Variants in DZANK1 observed in about 807,000 individuals in gnomAD.
DZANK1 encodes double zinc ribbon and ankyrin repeat domains 1, also known as double zinc ribbon and ankyrin repeat-containing protein 1.
A neutral mutation model predicts 94.5 loss-of-function variants in DZANK1; 91 were observed. The ratio of observed to expected loss-of-function variants is 0.96; its 90% CI spans 0.81 to 1.15. The LOEUF is 1.15. DZANK1 is among the 50% of genes most tolerant of loss of function. The pLI is 0.00. For synonymous variants in DZANK1, 312 were observed against 325.3 expected (o/e 0.96, Z 0.44); for missense variants, 903 against 916.4 (o/e 0.99, Z 0.19).
At chr20:18,408,189 G>A (rs755960973) in intron 13 of DZANK1, among the ~76,000 whole-genome samples, 1 of 152,130 alleles carries the variant, frequency 6.6e-6, no homozygotes, top group African/African-American at 2.4e-5. Context: ...AGTGGCTCAC[G>A]CCCGCTATCC....
At chr20:18,457,752 T>C (rs960195230) in intron 3 of DZANK1, among the ~76,000 whole-genome samples, 1 of 152,206 alleles carries the variant, frequency 6.6e-6, no homozygotes, top group African/African-American at 2.4e-5. Flanking sequence ...CACTTCTACA[T>C]GTATCCACTG....
At chr20:18,442,932 A>T (rs1568989463) in intron 8 of DZANK1, among the ~76,000 whole-genome samples, 1 of 152,220 alleles carries the variant, frequency 6.6e-6, no homozygotes, top group Non-Finnish European at 1.5e-5. Flanking sequence ...TATACAGATC[A>T]ATCTATAGAT....
At chr20:18,397,371 G>A (rs2056402329) in intron 14 of DZANK1, among the ~76,000 whole-genome samples, 1 of 152,120 alleles carries the variant, frequency 6.6e-6, no homozygotes, top group African/African-American at 2.4e-5. Flanking sequence ...CAGAGGAAAG[G>A]TCCTCTCACA....
At chr20:18,413,835 T>G (rs2057369433) in intron 12 of DZANK1, among the ~76,000 whole-genome samples, 1 of 152,106 alleles carries the variant, frequency 6.6e-6, no homozygotes, top group Admixed American at 6.6e-5. Context: ...GAGTGTATCC[T>G]CTAATAATGA....
At chr20:18,384,488 G>A (rs759121755) in exon 21 of DZANK1, 5 of 1,611,994 alleles carry the variant, frequency 3.1e-6, no homozygotes, top group South Asian at 1.1e-5. Context: ...GAGGTGACAA[G>A]GTCATCTCCA....
intron 8 of DZANK1, among the ~76,000 whole-genome samples, chr20:18,437,261 C>T (rs572392216): frequency 2.6e-5 from 4 of 152,188 alleles, no homozygotes; most frequent in South Asian, 2.1e-4. Flanking sequence ...GAAAGGAGGA[C>T]GATACTTAAG....
At position 18,464,827 on chromosome 20, in the gene DZANK1, C is replaced by A. The variant is rs555392085; in HGVS notation, c.109+423G>T. On this transcript the variant is annotated intron_variant, in intron 2 of 20. Coordinates refer to ENST00000262547, the Ensembl canonical transcript of DZANK1. Reference sequence around the variant, plus strand: ...AGTTGCTAGGATTACAGGTGCCCACCACCATGTCTGGCTAATTTTTGTATT... The same window carrying A: ...AGTTGCTAGGATTACAGGTGCCCACAACCATGTCTGGCTAATTTTTGTATT... Among the ~76,000 whole-genome samples, 33 of 152,104 alleles carry A rather than the reference C, an allele frequency of 2.2e-4. 1 individual carries two copies. The South Asian group carries it at 6.7e-3, about 31-fold the overall frequency.
chr20:18,461,384 G>T (rs1342109935), intron 2 of DZANK1, among the ~76,000 whole-genome samples: 1 of 151,848 alleles, frequency 6.6e-6, no homozygotes, highest in Non-Finnish European at 1.5e-5. Context: ...ATTTGTTATA[G>T]CTGCACCACA....
chr20:18,398,950 GGTGAAACCCT>G (rs2056515313), intron 13 of DZANK1, among the ~76,000 whole-genome samples: 1 of 151,848 alleles, frequency 6.6e-6, no homozygotes, highest in African/African-American at 2.4e-5. Context: ...TGGCCAACAT[GGTGAAACCCT>G]GCCTCTACTA....
At chr20:18,458,304 G>T (rs2059356756) in intron 3 of DZANK1, among the ~76,000 whole-genome samples, 2 of 151,810 alleles carry the variant, frequency 1.3e-5, no homozygotes, top group Non-Finnish European at 2.9e-5. Context: ...TGGTTTTGTT[G>T]TTTTTTTTAA....
At chr20:18,389,674 G>T (rs1405914927) in intron 19 of DZANK1, 27 bp downstream of exon 19, 1 of 1,612,664 alleles carries the variant, frequency 6.2e-7, no homozygotes, top group South Asian at 1.1e-5. Flanking sequence ...TGCTACCTTA[G>T]CTCTCCTTTC....
At chr20:18,399,286 T>C (rs2148297096) in intron 13 of DZANK1, among the ~76,000 whole-genome samples, 1 of 152,252 alleles carries the variant, frequency 6.6e-6, no homozygotes, top group South Asian at 2.1e-4. Flanking sequence ...TAGAGTACAA[T>C]GGTGTGATCA....
intron 13 of DZANK1, among the ~76,000 whole-genome samples, chr20:18,399,712 G>A (rs913299): frequency 0.67 from 101,246 of 152,094 alleles, 33,873 homozygotes; most frequent in East Asian, 0.8. Context: ...CGTGAGTCTG[G>A]TGCCCGGTTT....
intron 13 of DZANK1, among the ~76,000 whole-genome samples, chr20:18,399,843 C>CT (rs2056575938): frequency 1.3e-5 from 2 of 152,166 alleles, no homozygotes; most frequent in Non-Finnish European, 1.5e-5. Context: ...CCAGCCACAG[C>CT]CCCTGCTGTG....
chr20:18,416,704 A>G (rs1334873577), intron 10 of DZANK1, among the ~76,000 whole-genome samples: 4 of 152,184 alleles, frequency 2.6e-5, no homozygotes, highest in African/African-American at 4.8e-5. Flanking sequence ...GAGAGGCCAC[A>G]TCAGCCCCCA....
chr20:18,396,751 C>T (rs1337948440), intron 14 of DZANK1, among the ~76,000 whole-genome samples: 1 of 152,106 alleles, frequency 6.6e-6, no homozygotes, highest in Non-Finnish European at 1.5e-5. Flanking sequence ...GATCCAAATC[C>T]AACCATATCT....
At chr20:18,422,295 A>G (rs965689666) in intron 10 of DZANK1, among the ~76,000 whole-genome samples, 1 of 152,188 alleles carries the variant, frequency 6.6e-6, no homozygotes, top group Non-Finnish European at 1.5e-5. Flanking sequence ...TATTGAAGAG[A>G]CTATCCTTTC....
chr20:18,431,630 C>T (rs1177003036), intron 9 of DZANK1, among the ~76,000 whole-genome samples: 3 of 152,156 alleles, frequency 2.0e-5, no homozygotes, highest in African/African-American at 7.2e-5. Flanking sequence ...GATTGTCTGG[C>T]ATAAAAAGTC....
At position 18,387,559 on chromosome 20, in the gene DZANK1, G is replaced by A. The variant is rs879354703; in HGVS notation, c.2018+2142C>T. Among the ~76,000 whole-genome samples, 27 of 152,306 alleles carry A rather than the reference G, an allele frequency of 1.8e-4. No individual in the cohort carries two copies. The South Asian group carries it at 2.3e-3, about 13-fold the overall frequency. Reference sequence around the variant, plus strand: ...GGCAGAGCCAGAGGATGGCATGTTTGGAATCGCCAATGCAGTGAGGAAGGG... The same window carrying A: ...GGCAGAGCCAGAGGATGGCATGTTTAGAATCGCCAATGCAGTGAGGAAGGG... On this transcript the variant is annotated intron_variant, in intron 19 of 20. Transcript: ENST00000262547.
Sources: allele counts gnomAD v4.1 joint callset (sites outside exome capture counted in the v4.1 genomes callset), GRCh38; gene constraint gnomAD v4.1.1; transcripts MANE v1.5; gene names NCBI Gene and HGNC (gene_info 2026-07-23, HGNC 2026-07-21).